PCDHA6: variants seen among roughly 807,000 people sequenced by gnomAD.
The protein encoded by PCDHA6 is protocadherin alpha 6.
Under a neutral mutation model 60.3 loss-of-function variants are expected in PCDHA6, and 55 were observed. The ratio of observed to expected loss-of-function variants is 0.91; its 90% confidence interval spans 0.73 to 1.14. The LOEUF is 1.14. Ranked by LOEUF, PCDHA6 falls within the 50% of genes most tolerant of loss-of-function variation. The pLI is 0.00. For synonymous variants in PCDHA6, 652 were observed against 557.9 expected, an observed-to-expected ratio of 1.17 and a Z score of -2.38; for missense variants, 1,327 against 1,256.5, an observed-to-expected ratio of 1.06 and a Z score of -0.85.
chr5:140,869,123 G>A, intron 1 of PCDHA6: 1 of 1,608,454 alleles, frequency 6.2e-7, no homozygotes, highest in South Asian at 1.1e-5. Flanking sequence ...TTTCAGAGAA[G>A]GGGATTGGGC....
chr5:140,829,246 G>C lies in PCDHA6; in HGVS notation c.1155G>C (p.Val385=), dbSNP rs2150164613. Reference sequence around the variant, plus strand: ...TCGATTCAGGTGCCAACGGGCAGGTGAACTGCTCGCTGACGCCTCACGTCC... The same window carrying C: ...TCGATTCAGGTGCCAACGGGCAGGTCAACTGCTCGCTGACGCCTCACGTCC... ...NDLDSGANGQ[V]NCSLTPHVPF... is the part of the protein sequence containing the mutation. The change falls in exon 1 of 4, where the codon GTG becomes GTC. Residue 385 remains valine, a synonymous_variant. Transcript: ENST00000529310. The C allele has an allele frequency of 6.2e-7, 1 of 1,614,268 alleles. No homozygotes were observed.
intron 1 of PCDHA6, among the ~76,000 whole-genome samples, chr5:140,969,759 T>C (rs576118722): frequency 1.3e-5 from 2 of 152,338 alleles, no homozygotes; most frequent in African/African-American, 4.8e-5. Flanking sequence ...CTTAAAAAGC[T>C]CTGAGGCCTC....
At chr5:141,000,421 A>ATATTT (rs1265241806) in intron 3 of PCDHA6, among the ~76,000 whole-genome samples, 4 of 27,980 alleles carry the variant, frequency 1.4e-4, no homozygotes, top group Non-Finnish European at 1.1e-4. Context: ...ATATATATAT[A>ATATTT]TTTTTTTTTT....
chr5:140,999,459 T>C (rs2097858774), intron 3 of PCDHA6, among the ~76,000 whole-genome samples: 1 of 152,138 alleles, frequency 6.6e-6, no homozygotes, highest in Non-Finnish European at 1.5e-5. Flanking sequence ...AACGAATAAG[T>C]GGTGAAGCAG....
intron 3 of PCDHA6, among the ~76,000 whole-genome samples, chr5:141,003,395 T>G (rs1217089473): frequency 6.6e-6 from 1 of 152,160 alleles, no homozygotes; most frequent in Non-Finnish European, 1.5e-5. Flanking sequence ...CACTGAAACC[T>G]CCGCCTCCCG....
At chr5:140,898,507 C>T (rs538521734) in intron 1 of PCDHA6, among the ~76,000 whole-genome samples, 23 of 152,140 alleles carry the variant, frequency 1.5e-4, no homozygotes, top group African/African-American at 5.1e-4. Context: ...TGTAGATATG[C>T]GGCGTTATTT....
intron 1 of PCDHA6, chr5:140,834,910 A>G (rs1379120626): frequency 6.3e-7 from 1 of 1,595,988 alleles, no homozygotes; most frequent in Non-Finnish European, 8.5e-7. Flanking sequence ...AGCCCCAATG[A>G]GTATTTCTTC....
At chr5:140,989,530 AG>A (rs1249109717) in intron 3 of PCDHA6, among the ~76,000 whole-genome samples, 1 of 152,200 alleles carries the variant, frequency 6.6e-6, no homozygotes, top group Non-Finnish European at 1.5e-5. Context: ...CAGAGGAGGA[AG>A]ATAGTTTGTA....
chr5:140,926,943 T>C (rs2083677139), intron 1 of PCDHA6: 1 of 1,587,096 alleles, frequency 6.3e-7, no homozygotes, highest in Non-Finnish European at 8.6e-7. Context: ...CCTGCGGCGC[T>C]GCAGCGGGAC....
At chr5:140,923,264 C>T (rs2081280629) in intron 1 of PCDHA6, among the ~76,000 whole-genome samples, 1 of 152,170 alleles carries the variant, frequency 6.6e-6, no homozygotes, top group Admixed American at 6.5e-5. Flanking sequence ...CATAGTGAGA[C>T]CTTGTCTCTA....
At chr5:141,008,723 C>G (rs1480694972) in intron 3 of PCDHA6, among the ~76,000 whole-genome samples, 1 of 152,110 alleles carries the variant, frequency 6.6e-6, no homozygotes, top group Non-Finnish European at 1.5e-5. Flanking sequence ...GAGTGTATGT[C>G]CAACTAGACT....
chr5:140,973,825 T>A (rs1253333011), intron 1 of PCDHA6, among the ~76,000 whole-genome samples: 5 of 152,246 alleles, frequency 3.3e-5, no homozygotes, highest in Non-Finnish European at 5.9e-5. Context: ...AAGTCAGTTC[T>A]GGGTACTTGC....
At chr5:140,854,178 A>AAATT in intron 1 of PCDHA6, 2 of 531,176 alleles carry the variant, frequency 3.8e-6, no homozygotes, top group Non-Finnish European at 4.8e-6. Flanking sequence ...AAAAAAAAAG[A>AAATT]GTAGTTTAAC....
chr5:140,975,396 A>G (rs1366048936), intron 1 of PCDHA6, among the ~76,000 whole-genome samples: 2 of 152,248 alleles, frequency 1.3e-5, no homozygotes, highest in African/African-American at 4.8e-5. Flanking sequence ...GATCCATCAC[A>G]ATCACAGTCT....
intron 1 of PCDHA6, chr5:140,877,774 G>T (rs782686661): frequency 1.2e-6 from 2 of 1,614,176 alleles, no homozygotes; most frequent in South Asian, 2.2e-5. Context: ...GCCCAAGACG[G>T]ACCTCATGGC....
At chr5:140,871,648 T>C (rs948584860) in intron 1 of PCDHA6, 2 of 1,275,648 alleles carry the variant, frequency 1.6e-6, no homozygotes, top group Non-Finnish European at 2.1e-6. Context: ...AAATACCAAA[T>C]GATACACATC....
At chr5:140,928,201 G>C in intron 1 of PCDHA6, 1 of 1,614,242 alleles carries the variant, frequency 6.2e-7, no homozygotes, top group Non-Finnish European at 8.5e-7. Context: ...GTCAGTTGCT[G>C]ATGTGAATGA....
At chr5:140,879,805 A>T (rs992856039) in intron 1 of PCDHA6, among the ~76,000 whole-genome samples, 2 of 152,128 alleles carry the variant, frequency 1.3e-5, no homozygotes, top group Non-Finnish European at 1.5e-5. Context: ...TCCAGTTTCT[A>T]TTGGCTGTTG....
Position 140,850,860 on chromosome 5 carries a change from C to A in PCDHA6, c.2394+20375C>A, listed in dbSNP as rs2150500728. ...TGGATCTACAGAGCGAACGGGAGAACCCTCTGCTTCCTCAGATTCAACTGG... is the reference window on the plus strand; with the variant it reads ...TGGATCTACAGAGCGAACGGGAGAAACCTCTGCTTCCTCAGATTCAACTGG... On this transcript the variant is annotated intron_variant, in intron 1 of 3. Coordinates refer to ENST00000529310, the MANE Select transcript of PCDHA6 (RefSeq NM_018909.4). The A allele has an allele frequency of 3.1e-6, 5 of 1,593,234 alleles. 1 individual carries two copies. Among genetic ancestry groups the A allele is most frequent in the Non-Finnish European group, 4.3e-6 (5 of 1,164,206 alleles).
Sources: gnomAD v4.1 joint callset for allele counts (sites outside exome capture counted in the v4.1 genomes callset) on GRCh38, gnomAD v4.1.1 for gene constraint, MANE v1.5 for transcripts, NCBI Gene and HGNC (gene_info 2026-07-23, HGNC 2026-07-21) for gene names.